The following KLHL32 variants were observed in gnomAD, a reference collection of about 807,000 sequenced individuals.
KLHL32 encodes the protein kelch like family member 32, also known as kelch-like protein 32.
A neutral mutation model predicts 64.8 loss-of-function variants in KLHL32; 35 were observed. The ratio of observed to expected loss-of-function variants is 0.54; its 90% CI spans 0.41 to 0.72. The LOEUF is 0.72. Ranked by LOEUF, KLHL32 falls within the 30% of genes least tolerant of loss-of-function variation. KLHL32 has a pLI of 0.00. For synonymous variants in KLHL32, 259 were observed against 281.0 expected (o/e 0.92, Z 0.78); for missense variants, 589 against 768.5 (o/e 0.77, Z 2.76).
At chr6:97,085,573 AC>A (rs1562320586) in intron 6 of KLHL32, among the ~76,000 whole-genome samples, 1 of 152,126 alleles carries the variant, frequency 6.6e-6, no homozygotes, top group Non-Finnish European at 1.5e-5. Context: ...AATCCATGAG[AC>A]CCTCACTGTG....
chr6:97,120,548 T>C (rs180967772), intron 7 of KLHL32, among the ~76,000 whole-genome samples: 1 of 152,280 alleles, frequency 6.6e-6, no homozygotes, highest in East Asian at 1.9e-4. Flanking sequence ...GATTCACTCA[T>C]GATGAAAGGT....
intron 3 of KLHL32, among the ~76,000 whole-genome samples, chr6:96,991,871 G>T (rs73494858): frequency 6.6e-6 from 1 of 151,960 alleles, no homozygotes; most frequent in Non-Finnish European, 1.5e-5. Flanking sequence ...GGCGGGGGAC[G>T]GCATTGAAAA....
intron 1 of KLHL32, among the ~76,000 whole-genome samples, chr6:96,959,784 T>C (rs1213002655): frequency 6.6e-6 from 1 of 152,182 alleles, no homozygotes; most frequent in African/African-American, 2.4e-5. Context: ...CTAGGAGCAT[T>C]TGAATCATCT....
chr6:97,049,022 G>A (rs1342215196), intron 4 of KLHL32, among the ~76,000 whole-genome samples: 1 of 152,150 alleles, frequency 6.6e-6, no homozygotes, highest in Non-Finnish European at 1.5e-5. Context: ...CACTCTGGAG[G>A]GTACACAGTG....
chr6:97,037,506 A>C (rs1207367757), intron 3 of KLHL32, among the ~76,000 whole-genome samples: 2 of 152,164 alleles, frequency 1.3e-5, no homozygotes, highest in Admixed American at 6.5e-5. Context: ...TACAAGGAAA[A>C]CTATAAAACA....
rs777106661 is a variant in KLHL32 at position 96,976,205 on chromosome 6, A to T, written c.204+28A>T. 3.3e-6 allele frequency: 5 copies of T among 1,502,434 alleles called. No individual in the cohort carries two copies. In the Admixed American group the frequency reaches 1.0e-4, roughly 31 times the overall value. 93.1% of individuals were successfully genotyped at this position (1,502,434 alleles called of 1,614,324 possible). ...AAGTCAGCATTGTTTGTTTCTCGTAAAATATTGATAAAGAGAGGATGACAA... is the reference window on the plus strand; with the variant it reads ...AAGTCAGCATTGTTTGTTTCTCGTATAATATTGATAAAGAGAGGATGACAA... On this transcript the variant is annotated intron_variant, in intron 3 of 10. Coordinates refer to ENST00000369261, the MANE Select transcript of KLHL32 (RefSeq NM_052904.4).
At chr6:96,996,001 G>A (rs1778378510) in intron 3 of KLHL32, among the ~76,000 whole-genome samples, 1 of 152,204 alleles carries the variant, frequency 6.6e-6, no homozygotes, top group Non-Finnish European at 1.5e-5. Context: ...GATAGCAAGA[G>A]AAATGAGGGG....
At chr6:97,080,041 C>A (rs1044362046) in intron 5 of KLHL32, among the ~76,000 whole-genome samples, 3 of 152,118 alleles carry the variant, frequency 2.0e-5, no homozygotes, top group Admixed American at 6.5e-5. Context: ...ATATTAAAAT[C>A]TTTTGATCTA....
At chr6:97,018,814 C>T (rs1353288312) in intron 3 of KLHL32, among the ~76,000 whole-genome samples, 2 of 152,186 alleles carry the variant, frequency 1.3e-5, no homozygotes, top group African/African-American at 4.8e-5. Flanking sequence ...AACCTATATT[C>T]ACTTAACAAA....
intron 2 of KLHL32, among the ~76,000 whole-genome samples, chr6:96,973,631 A>G (rs940663194): frequency 4.6e-5 from 7 of 152,144 alleles, no homozygotes; most frequent in African/African-American, 1.7e-4. Context: ...TTATTCTAAA[A>G]GGCTGATTTT....
intron 8 of KLHL32, 127 bp downstream of exon 8, chr6:97,127,589 G>A: frequency 1.3e-6 from 1 of 791,464 alleles, no homozygotes; most frequent in South Asian, 1.7e-5. Flanking sequence ...TAGAGAAAAG[G>A]AAGCATCTGA....
At chr6:97,041,313 T>C (rs1277176482) in intron 3 of KLHL32, among the ~76,000 whole-genome samples, 179 bp from the exon 4 acceptor site, 1 of 152,246 alleles carries the variant, frequency 6.6e-6, no homozygotes, top group Non-Finnish European at 1.5e-5. Flanking sequence ...ATTGCAACTG[T>C]TCAGACATCA....
intron 1 of KLHL32, among the ~76,000 whole-genome samples, chr6:96,965,893 T>C (rs921686482): frequency 4.6e-5 from 7 of 152,118 alleles, no homozygotes; most frequent in Admixed American, 1.3e-4. Flanking sequence ...GAAATAAAAA[T>C]ATAGTTGTGT....
At chr6:97,064,502 A>G (rs959086164) in intron 4 of KLHL32, 126 bp from the exon 5 acceptor site, 4 of 665,788 alleles carry the variant, frequency 6.0e-6, no homozygotes, top group African/African-American at 5.4e-5. Context: ...ATAAAAAGGA[A>G]CAGTGTTAAT....
Position 97,125,660 on chromosome 6 carries a change from G to A in KLHL32, c.1355-1744G>A, listed in dbSNP as rs181719477. 3.2e-3 allele frequency among the ~76,000 whole-genome samples: 482 copies of A among 152,278 alleles called. 2 individuals carry two copies. Among genetic ancestry groups the A allele is most frequent in the African/African-American group, 0.011 (471 of 41,560 alleles). On this transcript the variant is annotated intron_variant, in intron 7 of 10. Coordinates refer to ENST00000369261, the MANE Select transcript of KLHL32 (RefSeq NM_052904.4). ...TTTGGTCTCTGTGATTAGGCCATCT[G>A]TGTTTGGTGCAAATTGGTGTCTATC...
chr6:97,081,693 C>T (rs898480125), intron 5 of KLHL32, among the ~76,000 whole-genome samples: 1 of 152,188 alleles, frequency 6.6e-6, no homozygotes, highest in Non-Finnish European at 1.5e-5. Context: ...GTTATGGACA[C>T]TCATAGTCCT....
intron 3 of KLHL32, among the ~76,000 whole-genome samples, chr6:97,031,063 C>T (rs1000690575): frequency 2.0e-5 from 3 of 152,136 alleles, no homozygotes; most frequent in Non-Finnish European, 4.4e-5. Flanking sequence ...GTCTCATCAC[C>T]TCTTTTGCTG....
chr6:96,960,148 A>G (rs1238504871), intron 1 of KLHL32, among the ~76,000 whole-genome samples: 2 of 152,158 alleles, frequency 1.3e-5, no homozygotes, highest in African/African-American at 4.8e-5. Context: ...CACTTATTAC[A>G]TGTTTAATTA....
At chr6:96,977,202 G>C (rs944783012) in intron 3 of KLHL32, among the ~76,000 whole-genome samples, 1 of 152,112 alleles carries the variant, frequency 6.6e-6, no homozygotes, top group East Asian at 1.9e-4. Flanking sequence ...AACCCATTGT[G>C]CACATATATA....
Sources: allele counts gnomAD v4.1 joint callset (sites outside exome capture counted in the v4.1 genomes callset), GRCh38; gene constraint gnomAD v4.1.1; transcripts MANE v1.5; gene names NCBI Gene and HGNC (gene_info 2026-07-23, HGNC 2026-07-21).